ME1: variants seen among roughly 807,000 people sequenced by gnomAD.
The protein encoded by ME1 is NADP-dependent malic enzyme.
ME1 carries 74 observed loss-of-function variants against 66.4 expected under a neutral mutation model. That is an observed-to-expected ratio of 1.11 (90% CI 0.92 to 1.35). The LOEUF (loss-of-function observed/expected upper bound fraction) is 1.35, where lower values mean the gene tolerates loss of function less well. Among genes scored for constraint, ME1 ranks in the 40% most tolerant of loss-of-function variants. The pLI, the probability that ME1 is intolerant of heterozygous loss-of-function variation, is 0.00. For synonymous variants in ME1, 251 were observed against 235.6 expected (o/e 1.07, Z -0.60); for missense variants, 750 against 694.1 (o/e 1.08, Z -0.90).
chr6:83,321,647 C>T (rs1456403389), intron 5 of ME1, among the ~76,000 whole-genome samples: 1 of 152,176 alleles, frequency 6.6e-6, no homozygotes, highest in Non-Finnish European at 1.5e-5. Flanking sequence ...AGCAGCAGCC[C>T]CAGTCAGGGT....
intron 3 of ME1, among the ~76,000 whole-genome samples, chr6:83,362,164 C>A (rs747151568): frequency 6.6e-6 from 1 of 152,234 alleles, no homozygotes; most frequent in Admixed American, 6.5e-5. Flanking sequence ...ACTGGTTGTG[C>A]ACTTTGCATC....
At chr6:83,327,195 G>T (rs183624967) in intron 5 of ME1, among the ~76,000 whole-genome samples, 4 of 152,036 alleles carry the variant, frequency 2.6e-5, no homozygotes, top group East Asian at 3.9e-4. Context: ...TAATAATTGC[G>T]TTAACTGCAC....
rs148683879 is a variant in ME1 at position 83,220,887 on chromosome 6, G to A, written c.1449+2873C>T. Among the ~76,000 whole-genome samples, 939 of 152,274 alleles carry A rather than the reference G, an allele frequency of 6.2e-3. 9 individuals are homozygous for A. The highest frequency in any genetic ancestry group is 8.8e-3 in the Non-Finnish European group (601 of 68,012). ...AAAAAAGATAATCTACAGGCCAGGC[G>A]CGGTGGCTCATGCCTATAATCCCAG... On this transcript the variant is annotated intron_variant, in intron 12 of 13. Coordinates refer to ENST00000369705, the MANE Select transcript of ME1 (RefSeq NM_002395.6).
intron 12 of ME1, among the ~76,000 whole-genome samples, chr6:83,218,188 G>A (rs1790027416): frequency 6.6e-6 from 1 of 152,084 alleles, no homozygotes; most frequent in African/African-American, 2.4e-5. Flanking sequence ...AACAAGTGGG[G>A]CTTGCCATCT....
At chr6:83,349,473 T>C (rs1768757004) in intron 4 of ME1, among the ~76,000 whole-genome samples, 1 of 152,214 alleles carries the variant, frequency 6.6e-6, no homozygotes, top group South Asian at 2.1e-4. Flanking sequence ...CACCCCACTA[T>C]ACAAATTATT....
At chr6:83,314,663 C>A (rs1424190897) in intron 6 of ME1, among the ~76,000 whole-genome samples, 2 of 152,014 alleles carry the variant, frequency 1.3e-5, no homozygotes, top group Non-Finnish European at 2.9e-5. Context: ...TGGGTACCAT[C>A]TCATTATATA....
chr6:83,370,227 A>C (rs879441814), intron 3 of ME1, among the ~76,000 whole-genome samples: 25 of 152,154 alleles, frequency 1.6e-4, no homozygotes, highest in Non-Finnish European at 3.2e-4. Context: ...TGTCTTTCTC[A>C]GTCTGTACTG....
Position 83,405,719 on chromosome 6 carries a change from GTTGTT to G in ME1, c.212+2044_212+2048del, listed in dbSNP as rs1261658070. Among the ~76,000 whole-genome samples the G allele has an allele frequency of 3.6e-5, 5 of 140,526 alleles. No individual in the cohort carries two copies. In the Admixed American group the frequency reaches 3.6e-4, roughly 10 times the overall value. The allele number at this position is 140,526 out of a possible 152,430, so 92.2% of individuals were successfully genotyped here. Reference sequence around the variant, plus strand: ...ATTGAGAGTTTTTTTTGTTGTTGTTGTTGTTTTTTTTTTTTTTTTTGAGACGGAGT... The same window carrying G: ...ATTGAGAGTTTTTTTTGTTGTTGTTGTTTTTTTTTTTTTTTGAGACGGAGT... On this transcript the variant is annotated intron_variant, in intron 2 of 13. Coordinates refer to ENST00000369705, the MANE Select transcript of ME1 (RefSeq NM_002395.6).
chr6:83,378,257 A>G (rs966377690), intron 3 of ME1, among the ~76,000 whole-genome samples: 7 of 152,148 alleles, frequency 4.6e-5, no homozygotes, highest in Non-Finnish European at 1.5e-5. Flanking sequence ...ATTGAGCATA[A>G]AATAGTATAT....
chr6:83,379,996 T>A (rs1423819160), intron 3 of ME1, among the ~76,000 whole-genome samples: 1 of 152,106 alleles, frequency 6.6e-6, no homozygotes, highest in Non-Finnish European at 1.5e-5. Flanking sequence ...ATGGAGGGAT[T>A]CAAACCAACC....
At chr6:83,236,397 T>A (rs758541786) in intron 9 of ME1, among the ~76,000 whole-genome samples, 28 of 152,292 alleles carry the variant, frequency 1.8e-4, no homozygotes, top group Non-Finnish European at 3.2e-4. Flanking sequence ...AAAACAGCTT[T>A]CCAGAAAGTC....
At chr6:83,417,475 G>C (rs1008649947) in intron 1 of ME1, among the ~76,000 whole-genome samples, 2 of 152,098 alleles carry the variant, frequency 1.3e-5, no homozygotes, top group African/African-American at 4.8e-5. Context: ...CCGCCACCCA[G>C]GTTCAAGCCA....
intron 9 of ME1, among the ~76,000 whole-genome samples, chr6:83,237,280 G>GAAAGA (rs1562455285): frequency 0.021 from 455 of 21,568 alleles, 34 homozygotes; most frequent in Middle Eastern, 0.024. Context: ...AGAAAGAAAG[G>GAAAGA]AAGGAAGGAA....
intron 7 of ME1, among the ~76,000 whole-genome samples, chr6:83,251,624 G>A (rs1790726809): frequency 6.6e-6 from 1 of 152,168 alleles, no homozygotes; most frequent in Non-Finnish European, 1.5e-5. Flanking sequence ...AATGATGAAT[G>A]TCATAATTGA....
At chr6:83,290,514 CG>C (rs1405629283) in intron 6 of ME1, among the ~76,000 whole-genome samples, 1 of 152,056 alleles carries the variant, frequency 6.6e-6, no homozygotes, top group Non-Finnish European at 1.5e-5. Flanking sequence ...GATTTCTGTT[CG>C]TTTATATTTG....
chr6:83,376,571 C>T (rs1035590229), intron 3 of ME1, among the ~76,000 whole-genome samples: 13 of 150,442 alleles, frequency 8.6e-5, no homozygotes, highest in East Asian at 3.9e-4. Flanking sequence ...GAGGCCAAGG[C>T]GGGCTGATCC....
intron 3 of ME1, among the ~76,000 whole-genome samples, chr6:83,352,870 T>A (rs1206817570): frequency 6.6e-6 from 1 of 152,214 alleles, no homozygotes; most frequent in Non-Finnish European, 1.5e-5. Flanking sequence ...TATAGCTTAA[T>A]GAATTGTTAT....
chr6:83,300,839 C>G (rs1467348975), intron 6 of ME1, among the ~76,000 whole-genome samples: 1 of 152,084 alleles, frequency 6.6e-6, no homozygotes, highest in Non-Finnish European at 1.5e-5. Context: ...AAATATGGTA[C>G]ATATACACCA....
chr6:83,364,459 C>T (rs1192389158), intron 3 of ME1, among the ~76,000 whole-genome samples: 1 of 152,138 alleles, frequency 6.6e-6, no homozygotes, highest in African/African-American at 2.4e-5. Flanking sequence ...GATCATTTTT[C>T]AAGTACATTC....
Sources: allele counts gnomAD v4.1 joint callset (sites outside exome capture counted in the v4.1 genomes callset), GRCh38; gene constraint gnomAD v4.1.1; transcripts MANE v1.5; gene names NCBI Gene and HGNC (gene_info 2026-07-23, HGNC 2026-07-21).